SIPA1L2: variants seen among roughly 807,000 people sequenced by gnomAD.
The protein encoded by SIPA1L2 is signal-induced proliferation-associated 1-like protein 2.
A neutral mutation model predicts 163.9 loss-of-function variants in SIPA1L2; 56 were observed. The observed-to-expected ratio is 0.34, with a 90% CI of 0.28 to 0.43. SIPA1L2 has a LOEUF of 0.43. SIPA1L2 is among the 20% of genes least tolerant of loss of function. The pLI, the probability that SIPA1L2 is intolerant of heterozygous loss-of-function variation, is 1.00. For synonymous variants in SIPA1L2, 877 were observed against 865.7 expected (o/e 1.01, Z -0.23); for missense variants, 1,974 against 2,193.5 (o/e 0.90, Z 2.00).
chr1:232,468,680 C>T (rs950302020), intron 8 of SIPA1L2, among the ~76,000 whole-genome samples: 2 of 152,142 alleles, frequency 1.3e-5, no homozygotes, highest in African/African-American at 4.8e-5. Context: ...GAAGATGTTA[C>T]ATATTAGATT....
chr1:232,406,463 A>G (rs1660638050), intron 19 of SIPA1L2, among the ~76,000 whole-genome samples: 1 of 152,242 alleles, frequency 6.6e-6, no homozygotes, highest in South Asian at 2.1e-4. Flanking sequence ...TAGTGCATTT[A>G]ACACTAAACA....
At chr1:232,441,694 G>A in intron 13 of SIPA1L2, 74 bp downstream of exon 13, 1 of 1,232,346 alleles carries the variant, frequency 8.1e-7, no homozygotes, top group African/African-American at 1.5e-5. Context: ...ATAAAATGAA[G>A]TGATGGGAGA....
At chr1:232,516,990 A>G (rs1667245486) in intron 2 of SIPA1L2, among the ~76,000 whole-genome samples, 1 of 152,188 alleles carries the variant, frequency 6.6e-6, no homozygotes, top group African/African-American at 2.4e-5. Flanking sequence ...AAAGAAAAAT[A>G]TTTGTAATTA....
chr1:232,409,692 C>T (rs977454888), intron 19 of SIPA1L2, among the ~76,000 whole-genome samples: 20 of 152,146 alleles, frequency 1.3e-4, no homozygotes, highest in African/African-American at 4.3e-4. Context: ...CCATTCCAGA[C>T]ACAGACAGGT....
intron 1 of SIPA1L2, among the ~76,000 whole-genome samples, chr1:232,593,263 G>A (rs1023424779): frequency 6.6e-6 from 1 of 152,100 alleles, no homozygotes; most frequent in African/African-American, 2.4e-5. Context: ...TGAGGTATCT[G>A]GTCAATTCCT....
At chr1:232,504,620 G>A (rs1042618800) in intron 3 of SIPA1L2, among the ~76,000 whole-genome samples, 4 of 151,712 alleles carry the variant, frequency 2.6e-5, no homozygotes, top group Non-Finnish European at 4.4e-5. Flanking sequence ...TTAAATTACC[G>A]AATTTACCAG....
intron 2 of SIPA1L2, among the ~76,000 whole-genome samples, chr1:232,531,978 G>A (rs1343413789): frequency 6.6e-5 from 10 of 152,196 alleles, no homozygotes; most frequent in Non-Finnish European, 1.3e-4. Context: ...GCTCAGATCC[G>A]GGAGGGACTG....
At chr1:232,528,275 T>G (rs905190750) in intron 2 of SIPA1L2, among the ~76,000 whole-genome samples, 3 of 151,898 alleles carry the variant, frequency 2.0e-5, no homozygotes, top group Non-Finnish European at 4.4e-5. Context: ...GACACTTCTC[T>G]CCATTAAACA....
intron 3 of SIPA1L2, among the ~76,000 whole-genome samples, chr1:232,495,308 A>C (rs1572982891): frequency 6.6e-6 from 1 of 152,320 alleles, no homozygotes; most frequent in Non-Finnish European, 1.5e-5. Context: ...TCACGCCTGT[A>C]ATCCCAGCAC....
chr1:232,472,089 T>A (rs572894158), intron 7 of SIPA1L2, among the ~76,000 whole-genome samples: 134 of 152,352 alleles, frequency 8.8e-4, no homozygotes, highest in African/African-American at 3.0e-3. Flanking sequence ...ACTGGATTAA[T>A]AACCAGAAGC....
At chr1:232,402,255 A>G in intron 22 of SIPA1L2, 137 bp downstream of exon 22, 1 of 631,820 alleles carries the variant, frequency 1.6e-6, no homozygotes, top group Non-Finnish European at 2.6e-6. Context: ...AGACCTCAGG[A>G]GCATCTGTTG....
chr1:232,412,194 A>G (rs1660995260), intron 19 of SIPA1L2, among the ~76,000 whole-genome samples: 1 of 152,248 alleles, frequency 6.6e-6, no homozygotes, highest in Non-Finnish European at 1.5e-5. Context: ...GAAGGTGAAC[A>G]TATCATATGC....
chr1:232,428,812 G>A (rs1446798217), intron 16 of SIPA1L2, among the ~76,000 whole-genome samples: 1 of 152,160 alleles, frequency 6.6e-6, no homozygotes, highest in African/African-American at 2.4e-5. Context: ...AGCCCAGGAT[G>A]AAAAAATTAC....
intron 7 of SIPA1L2, among the ~76,000 whole-genome samples, chr1:232,478,643 A>C (rs1216975345): frequency 6.6e-6 from 1 of 152,218 alleles, no homozygotes; most frequent in African/African-American, 2.4e-5. Context: ...GTATCAGTTA[A>C]GTGACATTCA....
chr1:232,589,387 T>A (rs1274350256), intron 1 of SIPA1L2, among the ~76,000 whole-genome samples: 2 of 152,200 alleles, frequency 1.3e-5, no homozygotes, highest in Admixed American at 1.3e-4. Flanking sequence ...CTCTCCCAAA[T>A]CCACTAACAT....
chr1:232,494,688 T>C (rs1666089161), intron 3 of SIPA1L2, among the ~76,000 whole-genome samples: 1 of 152,182 alleles, frequency 6.6e-6, no homozygotes, highest in Non-Finnish European at 1.5e-5. Context: ...TGACCCGAAC[T>C]TAACACAACA....
chr1:232,526,403 G>A (rs1451349999), intron 2 of SIPA1L2, among the ~76,000 whole-genome samples: 1 of 152,074 alleles, frequency 6.6e-6, no homozygotes, highest in Non-Finnish European at 1.5e-5. Context: ...CACTGGAGTG[G>A]GGTGGGTAGG....
At chr1:232,484,837 C>T (rs182600384) in intron 5 of SIPA1L2, among the ~76,000 whole-genome samples, 3 of 152,332 alleles carry the variant, frequency 2.0e-5, no homozygotes, top group African/African-American at 4.8e-5. Context: ...GAAAGGCTGA[C>T]AGATTATCAG....
chr1:232,529,845 G>A (rs1441512476), intron 2 of SIPA1L2, among the ~76,000 whole-genome samples: 1 of 152,220 alleles, frequency 6.6e-6, no homozygotes, highest in African/African-American at 2.4e-5. Flanking sequence ...GAAGGCAAGA[G>A]AAAGCCGTAA....
Sources: allele counts gnomAD v4.1 joint callset (sites outside exome capture counted in the v4.1 genomes callset), GRCh38; gene constraint gnomAD v4.1.1; transcripts MANE v1.5; gene names NCBI Gene and HGNC (gene_info 2026-07-23, HGNC 2026-07-21).